Variants in C10orf90 observed in about 807,000 individuals in gnomAD.
C10orf90 encodes chromosome 10 open reading frame 90.
Under a neutral mutation model 62.5 loss-of-function variants are expected in C10orf90, and 56 were observed. That is an observed-to-expected ratio of 0.90 (90% CI 0.72 to 1.12). The LOEUF (loss-of-function observed/expected upper bound fraction) is 1.12. C10orf90 is among the 50% of genes most tolerant of loss of function. The probability of loss-of-function intolerance (pLI) is 0.00; values close to 1 mark genes in which losing one functional copy is unlikely to be tolerated. For synonymous variants in C10orf90, 386 were observed against 340.4 expected, an observed-to-expected ratio of 1.13 and a Z score of -1.47; for missense variants, 970 against 880.4, an observed-to-expected ratio of 1.10 and a Z score of -1.29.
intron 2 of C10orf90, among the ~76,000 whole-genome samples, chr10:126,541,538 A>G (rs1184179709): frequency 2.0e-5 from 3 of 152,216 alleles, no homozygotes; most frequent in African/African-American, 7.2e-5. Context: ...ATGGGCAAAG[A>G]ACTTCAGTAG....
chr10:126,667,832 G>A (rs1185457290), intron 1 of C10orf90, among the ~76,000 whole-genome samples: 1 of 152,196 alleles, frequency 6.6e-6, no homozygotes, highest in Non-Finnish European at 1.5e-5. Flanking sequence ...GGGGAGACAT[G>A]CCCTTAACAA....
At chr10:126,500,589 C>T (rs954155639) in intron 4 of C10orf90, among the ~76,000 whole-genome samples, 1 of 152,062 alleles carries the variant, frequency 6.6e-6, no homozygotes, top group African/African-American at 2.4e-5. Flanking sequence ...AAGATTTGCC[C>T]AATGCCCACC....
chr10:126,564,161 T>A (rs1353915251), intron 2 of C10orf90, among the ~76,000 whole-genome samples: 2 of 152,038 alleles, frequency 1.3e-5, no homozygotes, highest in Non-Finnish European at 2.9e-5. Flanking sequence ...GCCCTGTAGA[T>A]CTGCAGGCTC....
intron 2 of C10orf90, among the ~76,000 whole-genome samples, chr10:126,560,669 AG>A (rs1202953990): frequency 6.6e-6 from 1 of 152,142 alleles, no homozygotes; most frequent in Non-Finnish European, 1.5e-5. Context: ...TCTGTGCTAG[AG>A]GTCAGCAAAC....
chr10:126,658,308 G>A (rs556581927), intron 1 of C10orf90, among the ~76,000 whole-genome samples: 2 of 152,340 alleles, frequency 1.3e-5, no homozygotes, highest in South Asian at 2.1e-4. Flanking sequence ...TGATGACACA[G>A]AAGGAAAAGA....
At chr10:126,476,325 T>A (rs921280481) in intron 4 of C10orf90, among the ~76,000 whole-genome samples, 1 of 152,220 alleles carries the variant, frequency 6.6e-6, no homozygotes, top group Non-Finnish European at 1.5e-5. Flanking sequence ...CGTGGCCCTG[T>A]GTGCATCTCC....
At chr10:126,658,009 C>A (rs1246514582) in intron 1 of C10orf90, among the ~76,000 whole-genome samples, 1 of 152,202 alleles carries the variant, frequency 6.6e-6, no homozygotes, top group East Asian at 1.9e-4. Flanking sequence ...TCCCTCACCA[C>A]CCCATTGACA....
intron 7 of C10orf90, among the ~76,000 whole-genome samples, chr10:126,452,751 AG>A (rs1432514351): frequency 6.6e-6 from 1 of 152,264 alleles, no homozygotes; most frequent in East Asian, 1.9e-4. Flanking sequence ...AAAGTGTACA[AG>A]TGAATGTCTT....
At chr10:126,611,516 G>A (rs1845434160) in intron 2 of C10orf90, among the ~76,000 whole-genome samples, 1 of 152,176 alleles carries the variant, frequency 6.6e-6, no homozygotes, top group Non-Finnish European at 1.5e-5. Flanking sequence ...GGATGGAGTT[G>A]CCAGGTCATA....
intron 3 of C10orf90, among the ~76,000 whole-genome samples, chr10:126,506,570 G>A (rs1037171282): frequency 1.3e-5 from 2 of 152,224 alleles, no homozygotes; most frequent in East Asian, 3.9e-4. Flanking sequence ...TGTTACAACT[G>A]CAAGTTCCCC....
chr10:126,451,711 C>CACAT (rs1363878830), intron 7 of C10orf90, among the ~76,000 whole-genome samples: 1 of 151,840 alleles, frequency 6.6e-6, no homozygotes, highest in African/African-American at 2.4e-5. Context: ...TATATACACA[C>CACAT]ACATACATAC....
chr10:126,461,729 T>C (rs1262721420), intron 5 of C10orf90, 144 bp from the exon 6 acceptor site: 3 of 857,064 alleles, frequency 3.5e-6, no homozygotes, highest in Non-Finnish European at 5.2e-6. Context: ...GACAAGATCA[T>C]GCCTCATCAC....
chr10:126,507,880 C>T (rs1862852080), intron 3 of C10orf90, among the ~76,000 whole-genome samples: 1 of 152,204 alleles, frequency 6.6e-6, no homozygotes, highest in Admixed American at 6.5e-5. Context: ...ATGTAGTTTA[C>T]ACATAAGAAA....
rs746709237 is a variant in C10orf90, at chr10:126,504,045, T to C, written c.1446A>G (p.Lys482=). Reference sequence around the variant, plus strand: ...AATGAGTTGTATGGTCCTTTTCCCCTTTTCTTACAGTGACTTGGTTAGCTC... The same window carrying C: ...AATGAGTTGTATGGTCCTTTTCCCCCTTTCTTACAGTGACTTGGTTAGCTC... ...NVGANQVTVR[K]GEKDHTTHCH... Residue 482 remains lysine (K), a synonymous_variant, in exon 4 of 10, where the codon AAA becomes AAG. Coordinates refer to ENST00000488181, the MANE Select transcript of C10orf90 (RefSeq NM_001350921.2). The surrounding 1 kb of genome is among the most constrained non-coding windows in gnomAD (Gnocchi z 4.1). 6 of 1,614,134 alleles carry C rather than the reference T, an allele frequency of 3.7e-6. No individual in the cohort carries two copies. The highest frequency in any genetic ancestry group is 1.1e-5 in the South Asian group (1 of 91,068).
At chr10:126,503,541 A>G (rs1006382799) in intron 4 of C10orf90, among the ~76,000 whole-genome samples, 30 of 152,220 alleles carry the variant, frequency 2.0e-4, no homozygotes, top group African/African-American at 6.5e-4. Context: ...GAAAAGTAGA[A>G]AGTACAGAAA....
intron 4 of C10orf90, among the ~76,000 whole-genome samples, chr10:126,490,156 A>ATATTAT (rs1554897688): frequency 7.6e-5 from 10 of 130,950 alleles, no homozygotes; most frequent in East Asian, 2.2e-4. Context: ...ATATAATTAG[A>ATATTAT]ATATACACAT....
At chr10:126,579,566 A>G (rs2134013863) in intron 2 of C10orf90, among the ~76,000 whole-genome samples, 1 of 152,316 alleles carries the variant, frequency 6.6e-6, no homozygotes, top group East Asian at 1.9e-4. Flanking sequence ...GATGCAGTTT[A>G]CACTGAACAA....
intron 4 of C10orf90, among the ~76,000 whole-genome samples, chr10:126,498,149 C>A (rs764106985): frequency 6.6e-6 from 1 of 152,160 alleles, no homozygotes; most frequent in Admixed American, 6.5e-5. Context: ...AAAGGCTTTG[C>A]GTCTAGTGGT....
At chr10:126,565,468 G>A (rs1256987940) in intron 2 of C10orf90, among the ~76,000 whole-genome samples, 1 of 106,580 alleles carries the variant, frequency 9.4e-6, no homozygotes, top group Non-Finnish European at 1.8e-5. Flanking sequence ...ACAAACTTGT[G>A]CATCAGTCAA....
Sources: allele counts gnomAD v4.1 joint callset (sites outside exome capture counted in the v4.1 genomes callset), GRCh38; gene constraint gnomAD v4.1.1; non-coding constraint Gnocchi (gnomAD v3.1); transcripts MANE v1.5; gene names NCBI Gene and HGNC (gene_info 2026-07-23, HGNC 2026-07-21).